The following VAV3 variants were observed in gnomAD, a reference collection of about 807,000 sequenced individuals.
VAV3 encodes the protein guanine nucleotide exchange factor VAV3.
VAV3 carries 94 observed loss-of-function variants against 131.2 expected under a neutral mutation model. That is an observed-to-expected ratio of 0.72 (90% CI 0.61 to 0.85). The LOEUF is 0.85. Ranked by LOEUF, VAV3 falls within the 40% of genes least tolerant of loss-of-function variation. VAV3 has a pLI of 0.00. For synonymous variants in VAV3, 349 were observed against 342.0 expected (o/e 1.02, Z -0.22); for missense variants, 939 against 1,002.7 (o/e 0.94, Z 0.86).
chr1:107,742,883 G>T (rs540186227), intron 15 of VAV3, among the ~76,000 whole-genome samples: 1 of 152,158 alleles, frequency 6.6e-6, no homozygotes, highest in Non-Finnish European at 1.5e-5. Flanking sequence ...ATATAGAAAA[G>T]GTGGTATTAC....
intron 19 of VAV3, among the ~76,000 whole-genome samples, chr1:107,666,418 G>T (rs1216487449): frequency 6.6e-6 from 1 of 152,122 alleles, no homozygotes; most frequent in Non-Finnish European, 1.5e-5. Context: ...TGGTGTGTGG[G>T]CTTTCAGGAC....
At chr1:107,932,339 T>C (rs1673479014) in intron 1 of VAV3, among the ~76,000 whole-genome samples, 1 of 152,166 alleles carries the variant, frequency 6.6e-6, no homozygotes, top group African/African-American at 2.4e-5. Flanking sequence ...GTAGCAGTCA[T>C]GGAGAAACTG....
chr1:107,609,743 C>G (rs1245835749), intron 22 of VAV3, 188 bp downstream of exon 22: 3 of 584,608 alleles, frequency 5.1e-6, no homozygotes, highest in Non-Finnish European at 9.1e-6. Context: ...ACACACACCC[C>G]CCTCGCAGAT....
At chr1:107,715,886 T>G (rs1411557643) in intron 15 of VAV3, among the ~76,000 whole-genome samples, 1 of 152,188 alleles carries the variant, frequency 6.6e-6, no homozygotes, top group African/African-American at 2.4e-5. Context: ...GAATTTAAGT[T>G]GTATCACATT....
intron 2 of VAV3, among the ~76,000 whole-genome samples, chr1:107,861,635 AAT>A (rs1408407107): frequency 4.0e-5 from 6 of 151,618 alleles, no homozygotes; most frequent in African/African-American, 1.4e-4. Flanking sequence ...GACCAATAAA[AAT>A]AGTGTCCAGT....
chr1:107,936,668 C>T (rs1273087091), intron 1 of VAV3, among the ~76,000 whole-genome samples: 1 of 152,174 alleles, frequency 6.6e-6, no homozygotes, highest in Non-Finnish European at 1.5e-5. Context: ...CTGTGGCATA[C>T]TGCATGCACT....
At chr1:107,937,152 T>G (rs1175353691) in intron 1 of VAV3, among the ~76,000 whole-genome samples, 4 of 152,126 alleles carry the variant, frequency 2.6e-5, no homozygotes, top group East Asian at 1.9e-4. Flanking sequence ...ATAATGCACA[T>G]GTGACACAAA....
At chr1:107,693,725 T>TGC (rs1659578451) in intron 17 of VAV3, among the ~76,000 whole-genome samples, 1 of 152,174 alleles carries the variant, frequency 6.6e-6, no homozygotes, top group African/African-American at 2.4e-5. Context: ...TGATATTAAG[T>TGC]GCCACTCCTC....
At chr1:107,652,145 G>A (rs1462156710) in intron 19 of VAV3, among the ~76,000 whole-genome samples, 1 of 152,128 alleles carries the variant, frequency 6.6e-6, no homozygotes, top group Non-Finnish European at 1.5e-5. Context: ...AGACCTTGCT[G>A]ATAAAACAGA....
At chr1:107,624,413 TGA>T (rs940151165) in intron 20 of VAV3, among the ~76,000 whole-genome samples, 1 of 129,126 alleles carries the variant, frequency 7.7e-6, no homozygotes, top group Non-Finnish European at 1.7e-5. Flanking sequence ...TGTGTGTGTG[TGA>T]AAGAAACAAG....
At chr1:107,940,995 GAA>G (rs5776908) in intron 1 of VAV3, among the ~76,000 whole-genome samples, 19 of 149,162 alleles carry the variant, frequency 1.3e-4, no homozygotes, top group South Asian at 2.1e-4. Context: ...TAGCACAATT[GAA>G]AAAAAAAAAC....
chr1:107,866,887 C>T (rs1052847432), intron 2 of VAV3, among the ~76,000 whole-genome samples: 7 of 112,878 alleles, frequency 6.2e-5, no homozygotes, highest in African/African-American at 2.5e-4. Flanking sequence ...GCAGGGTGAA[C>T]AAAACAAGAA....
At chr1:107,664,294 C>G (rs1657251502) in intron 19 of VAV3, among the ~76,000 whole-genome samples, 1 of 151,912 alleles carries the variant, frequency 6.6e-6, no homozygotes. Context: ...CAAACCATCA[C>G]CTGGGTATTA....
chr1:107,955,006 G>C (rs999074647), intron 1 of VAV3, among the ~76,000 whole-genome samples: 1 of 152,176 alleles, frequency 6.6e-6, no homozygotes, highest in Non-Finnish European at 1.5e-5. Context: ...TGCATGGAAA[G>C]CTTTAGTAAC....
intron 1 of VAV3, among the ~76,000 whole-genome samples, chr1:107,883,740 A>T (rs1233605949): frequency 1.3e-5 from 2 of 152,198 alleles, no homozygotes. Flanking sequence ...CTTGGCCAGC[A>T]GTCACCATAA....
intron 1 of VAV3, among the ~76,000 whole-genome samples, chr1:107,934,702 T>C (rs1432677563): frequency 3.3e-5 from 5 of 152,248 alleles, no homozygotes; most frequent in African/African-American, 9.6e-5. Flanking sequence ...AAATAAGTTA[T>C]GATGAAAACT....
Position 107,964,741 on chromosome 1 carries a change from G to C in VAV3, c.129C>G (p.Leu43=), listed in dbSNP as rs777421410. The change falls in exon 1 of 27, where the codon CTC becomes CTG. Residue 43 remains leucine (L), a synonymous_variant. Coordinates refer to ENST00000370056, the MANE Select transcript of VAV3 (RefSeq NM_006113.5). ...CCCGGAGGTTGTTAAGCAGCTGGCA[G>C]AGCAGGACTCCATCGCGGAGGGTCT... ...LAQTLRDGVL[L]CQLLNNLRAH... is the part of the protein sequence containing the mutation. 9 of 1,614,148 alleles carry C rather than the reference G, an allele frequency of 5.6e-6. No homozygotes were observed. The highest frequency in any genetic ancestry group is 1.1e-5 in the South Asian group (1 of 91,078).
chr1:107,635,474 G>A lies in VAV3; in HGVS notation c.1914+7145C>T, dbSNP rs1654846952. Among the ~76,000 whole-genome samples, 3 of 107,502 alleles carry A rather than the reference G, an allele frequency of 2.8e-5. No homozygotes were observed. In the Admixed American group the frequency reaches 3.8e-4, roughly 14 times the overall value. 70.5% of individuals were successfully genotyped at this position (107,502 alleles called of 152,430 possible). On this transcript the variant is annotated intron_variant, in intron 20 of 26. Coordinates refer to ENST00000370056, the MANE Select transcript of VAV3 (RefSeq NM_006113.5). ...ATCACACACTGGGGCCTGTTGTGGG[G>A]TGGGGGGAGGGGGGAGGGATAGCAT...
chr1:107,778,411 C>G (rs111234212), intron 3 of VAV3, among the ~76,000 whole-genome samples: 1 of 151,806 alleles, frequency 6.6e-6, no homozygotes, highest in Non-Finnish European at 1.5e-5. Context: ...TTAAAAAAAT[C>G]TTTACATATA....
Sources: gnomAD v4.1 joint callset for allele counts (sites outside exome capture counted in the v4.1 genomes callset) on GRCh38, gnomAD v4.1.1 for gene constraint, MANE v1.5 for transcripts, NCBI Gene and HGNC (gene_info 2026-07-23, HGNC 2026-07-21) for gene names.